Variants in DIP2A observed in about 807,000 individuals in gnomAD.
DIP2A encodes DIP2 acetate--CoA ligase A.
In DIP2A, 85 loss-of-function variants were observed where a neutral mutation model predicts 177.4. That is an observed-to-expected ratio of 0.48 (90% CI 0.40 to 0.57). The LOEUF is 0.57. Ranked by LOEUF, DIP2A falls within the 20% of genes least tolerant of loss-of-function variation. The pLI is 0.00. For synonymous variants in DIP2A, 886 were observed against 881.8 expected (o/e 1.00, Z -0.08); for missense variants, 1,791 against 2,100.2 (o/e 0.85, Z 2.88).
In DIP2A at chr21:46,524,337, T is replaced by A. The variant is rs551532384; in HGVS notation, c.1103-4755T>A. Among the ~76,000 whole-genome samples the A allele has an allele frequency of 2.6e-5, 4 of 152,280 alleles. No individual in the cohort carries two copies. The East Asian group carries it at 7.7e-4, about 29-fold the overall frequency. Reference sequence around the variant, plus strand: ...GGTTTGTTCAAGTGCCCTTGCCTTTTATTAAGAGGGGCCTTTAACCCACTC... The same window carrying A: ...GGTTTGTTCAAGTGCCCTTGCCTTTAATTAAGAGGGGCCTTTAACCCACTC... On this transcript the variant is annotated intron_variant, in intron 8 of 37. Coordinates refer to ENST00000417564, the MANE Select transcript of DIP2A (RefSeq NM_015151.4).
chr21:46,560,706 GCTGCT>G lies in DIP2A; in HGVS notation c.3970-13_3970-9del, dbSNP rs762297337. The G allele has an allele frequency of 6.2e-7, 1 of 1,602,894 alleles. No individual in the cohort carries two copies. Among genetic ancestry groups the G allele is most frequent in the East Asian group, 2.3e-5 (1 of 44,322 alleles). ...GAGGCCCCTGAACAGAAGTTCCTCT[GCTGCT>G]CTCCTTCCAGGGCACAGCTGGCCCG... is the stretch of plus-strand genomic sequence containing the variant. On this transcript the variant is annotated splice_polypyrimidine_tract_variant and intron_variant, in intron 32 of 37. Coordinates refer to ENST00000417564, the MANE Select transcript of DIP2A (RefSeq NM_015151.4).
chr21:46,490,852 G>A (rs75672104), intron 3 of DIP2A, 133 bp downstream of exon 3: 84 of 1,140,522 alleles, frequency 7.4e-5, no homozygotes, highest in Non-Finnish European at 9.6e-5. Flanking sequence ...AAGCAGTAAT[G>A]TACATCATCA....
At chr21:46,541,092 AAAT>A (rs1178700714) in intron 17 of DIP2A, among the ~76,000 whole-genome samples, 1 of 151,800 alleles carries the variant, frequency 6.6e-6, no homozygotes, top group Non-Finnish European at 1.5e-5. Flanking sequence ...TACAAACTAT[AAAT>A]TATTCTTCAT....
chr21:46,545,744 T>A, intron 19 of DIP2A, 137 bp from the exon 20 acceptor site: 1 of 995,878 alleles, frequency 1.0e-6, no homozygotes, highest in Non-Finnish European at 1.5e-6. Context: ...AAACTGGGCC[T>A]ATGCAGGGCC....
chr21:46,516,099 A>T (rs903093325), intron 8 of DIP2A, among the ~76,000 whole-genome samples: 23 of 152,252 alleles, frequency 1.5e-4, no homozygotes, highest in African/African-American at 5.5e-4. Context: ...TTGTTGCTCT[A>T]TTGACAGTAA....
At chr21:46,531,448 G>GT (rs1246456448) in intron 9 of DIP2A, among the ~76,000 whole-genome samples, 1 of 152,236 alleles carries the variant, frequency 6.6e-6, no homozygotes. Context: ...AATGTAAACA[G>GT]TTTAAGAATA....
intron 18 of DIP2A, among the ~76,000 whole-genome samples, chr21:46,543,891 A>G (rs1354742191): frequency 2.0e-5 from 3 of 152,188 alleles, no homozygotes; most frequent in Non-Finnish European, 2.9e-5. Context: ...TCTCTCTGCA[A>G]AGTCTTTTAT....
At chr21:46,461,416 G>GA (rs1162465237) in intron 1 of DIP2A, among the ~76,000 whole-genome samples, 1 of 152,030 alleles carries the variant, frequency 6.6e-6, no homozygotes, top group Non-Finnish European at 1.5e-5. Flanking sequence ...GCTCTTTAGG[G>GA]AAAATCACAT....
intron 28 of DIP2A, 109 bp from the exon 29 acceptor site, chr21:46,555,873 C>G: frequency 1.2e-6 from 1 of 836,064 alleles, no homozygotes; most frequent in East Asian, 2.4e-5. Context: ...AGCTCACTCT[C>G]TGCAGGACTC....
intron 8 of DIP2A, 36 bp downstream of exon 8, chr21:46,511,650 T>C (rs765620990): frequency 6.7e-7 from 1 of 1,499,776 alleles, no homozygotes; most frequent in South Asian, 1.4e-5. Context: ...GCTTCTGGGT[T>C]AGCTGTAGAA....
intron 22 of DIP2A, chr21:46,550,189 A>G: frequency 1.3e-6 from 1 of 774,562 alleles, no homozygotes; most frequent in Non-Finnish European, 2.0e-6. Flanking sequence ...ACATTATTAT[A>G]TTCACCAGTC....
At chr21:46,483,494 A>G (rs2056487396) in intron 1 of DIP2A, among the ~76,000 whole-genome samples, 1 of 152,206 alleles carries the variant, frequency 6.6e-6, no homozygotes, top group African/African-American at 2.4e-5. Flanking sequence ...GGCGCAGTGC[A>G]GGGTGGAGTA....
intron 17 of DIP2A, among the ~76,000 whole-genome samples, chr21:46,541,354 G>A (rs537271886): frequency 1.0e-3 from 153 of 152,276 alleles, no homozygotes; most frequent in African/African-American, 3.6e-3. Flanking sequence ...TACATCTCAG[G>A]CCCCCACCTG....
intron 31 of DIP2A, 96 bp from the exon 32 acceptor site, chr21:46,558,127 T>C: frequency 1.5e-6 from 2 of 1,326,742 alleles, no homozygotes; most frequent in East Asian, 5.0e-5. Context: ...CAGCTCCACC[T>C]CTGTGTGCCC....
chr21:46,503,196 G>T (rs928595017), intron 5 of DIP2A, among the ~76,000 whole-genome samples: 2 of 152,014 alleles, frequency 1.3e-5, no homozygotes, highest in Non-Finnish European at 2.9e-5. Context: ...GGTGGCACAT[G>T]CCTGTAATCC....
At chr21:46,555,569 C>T (rs1023115803) in intron 28 of DIP2A, 8 of 207,782 alleles carry the variant, frequency 3.9e-5, no homozygotes, top group Non-Finnish European at 6.9e-5. Flanking sequence ...CATGGGGCCA[C>T]GAGAACTTGA....
chr21:46,462,712 G>A (rs2054427596), intron 1 of DIP2A: 1 of 152,154 alleles, frequency 6.6e-6, no homozygotes, highest in African/African-American at 2.4e-5. Flanking sequence ...TGCTTGGTAG[G>A]TTGGAAGAAG....
intron 1 of DIP2A, among the ~76,000 whole-genome samples, chr21:46,472,588 G>A (rs908234953): frequency 2.0e-5 from 3 of 152,206 alleles, no homozygotes; most frequent in Admixed American, 2.0e-4. Context: ...GAAGAGGGTG[G>A]AGAAGGAGGA....
intron 12 of DIP2A, 22 bp from the exon 13 acceptor site, chr21:46,534,563 T>G (rs2059485704): frequency 6.2e-7 from 1 of 1,608,814 alleles, no homozygotes. Flanking sequence ...CACATCATGT[T>G]TTTTTCCTTG....
Sources: gnomAD v4.1 joint callset for allele counts (sites outside exome capture counted in the v4.1 genomes callset) on GRCh38, gnomAD v4.1.1 for gene constraint, MANE v1.5 for transcripts, NCBI Gene and HGNC (gene_info 2026-07-23, HGNC 2026-07-21) for gene names.